The following BCAS1 variants were observed in gnomAD, a reference collection of about 807,000 sequenced individuals.
BCAS1 encodes breast carcinoma-amplified sequence 1.
A neutral mutation model predicts 65.4 loss-of-function variants in BCAS1; 46 were observed. The observed-to-expected ratio is 0.70, with a 90% CI of 0.55 to 0.90. The LOEUF is 0.90. Among genes scored for constraint, BCAS1 ranks in the 40% least tolerant of loss-of-function variants. BCAS1 has a pLI of 0.00. For missense variants in BCAS1, 793 were observed against 771.2 expected, an observed-to-expected ratio of 1.03 and a Z score of -0.33; for synonymous variants, 298 against 293.5, an observed-to-expected ratio of 1.02 and a Z score of -0.16.
At chr20:53,981,900 C>T (rs766969180) in intron 8 of BCAS1, among the ~76,000 whole-genome samples, 2 of 151,794 alleles carry the variant, frequency 1.3e-5, no homozygotes, top group African/African-American at 2.4e-5. Flanking sequence ...GAATTTTATA[C>T]TTGTTTTGTA....
intron 4 of BCAS1, among the ~76,000 whole-genome samples, chr20:54,013,420 C>A (rs1357421620): frequency 6.6e-6 from 1 of 152,106 alleles, no homozygotes; most frequent in African/African-American, 2.4e-5. Context: ...GTAAAAAAAT[C>A]CAAATGTTTA....
intron 3 of BCAS1, among the ~76,000 whole-genome samples, chr20:54,041,794 G>A (rs1206630055): frequency 6.6e-6 from 1 of 151,454 alleles, no homozygotes; most frequent in Admixed American, 6.6e-5. Flanking sequence ...AGCTACTTGG[G>A]AGGCGGTGGC....
At chr20:54,053,374 C>G (rs1278263599) in intron 3 of BCAS1, among the ~76,000 whole-genome samples, 2 of 152,164 alleles carry the variant, frequency 1.3e-5, no homozygotes, top group African/African-American at 4.8e-5. Flanking sequence ...CGATACATTT[C>G]TTTCTAGGAG....
intron 6 of BCAS1, among the ~76,000 whole-genome samples, chr20:53,994,170 G>A (rs1167969695): frequency 6.6e-6 from 1 of 152,174 alleles, no homozygotes; most frequent in Admixed American, 6.5e-5. Context: ...GGCAAACCAA[G>A]CCATGTATCT....
chr20:54,054,701 G>A (rs892057633), intron 3 of BCAS1, among the ~76,000 whole-genome samples: 2 of 152,196 alleles, frequency 1.3e-5, no homozygotes, highest in Non-Finnish European at 1.5e-5. Flanking sequence ...CAGCAAGACT[G>A]CCAGGTGTGA....
chr20:53,959,446 G>A (rs2145567785), intron 10 of BCAS1, among the ~76,000 whole-genome samples: 1 of 152,222 alleles, frequency 6.6e-6, no homozygotes, highest in East Asian at 1.9e-4. Context: ...TAGAGACAGG[G>A]TTTCACCATG....
At chr20:54,013,403 T>C (rs188289114) in intron 4 of BCAS1, among the ~76,000 whole-genome samples, 35 of 152,254 alleles carry the variant, frequency 2.3e-4, no homozygotes, top group Admixed American at 9.2e-4. Context: ...AAAAGGAAGA[T>C]TGAAAAGTAA....
chr20:54,024,305 C>T (rs1439332814), intron 4 of BCAS1, among the ~76,000 whole-genome samples: 3 of 152,170 alleles, frequency 2.0e-5, no homozygotes, highest in Non-Finnish European at 4.4e-5. Context: ...ACAGTAGAGA[C>T]AGGATGAACT....
rs1162926231 is a variant in BCAS1 at position 53,957,582 on chromosome 20, G to A, written c.1486-85C>T. 2.4e-6 allele frequency: 3 copies of A among 1,270,700 alleles called. No homozygotes were observed. In the East Asian group the frequency reaches 6.9e-5, roughly 29 times the overall value. 78.7% of individuals were successfully genotyped at this position (1,270,700 alleles called of 1,614,324 possible). A position where few individuals can be genotyped will look rare whatever the true frequency, so the allele number is the denominator to read the frequency against. ...GAAAGTTCTGAAATGGATGATCTCA[G>A]TCATTTATCATTGAGGTTTGGGGTC... On this transcript the variant is annotated intron_variant, in intron 10 of 12. Coordinates refer to ENST00000688948, the MANE Select transcript of BCAS1 (RefSeq NM_001366298.2).
intron 10 of BCAS1, 53 bp downstream of exon 10, chr20:53,966,853 C>T: frequency 2.0e-6 from 3 of 1,523,466 alleles, no homozygotes; most frequent in Non-Finnish European, 2.6e-6. Context: ...CCATTGTTCC[C>T]AGAAGCCGCT....
At chr20:54,065,113 C>CACCTATCT in intron 1 of BCAS1, among the ~76,000 whole-genome samples, 1 of 144,176 alleles carries the variant, frequency 6.9e-6, no homozygotes, top group Non-Finnish European at 1.5e-5. Flanking sequence ...ATCTATCTAT[C>CACCTATCT]ATCTATCTAT....
intron 12 of BCAS1, among the ~76,000 whole-genome samples, chr20:53,948,556 C>A (rs1162937906): frequency 1.3e-5 from 2 of 152,220 alleles, no homozygotes; most frequent in Admixed American, 1.3e-4. Flanking sequence ...ACAGACCACA[C>A]CTGACTCACT....
intron 4 of BCAS1, among the ~76,000 whole-genome samples, chr20:54,007,429 G>A (rs552162490): frequency 5.9e-5 from 9 of 152,300 alleles, no homozygotes; most frequent in South Asian, 2.1e-4. Flanking sequence ...GAGTACTTCC[G>A]TAACCTGGAG....
intron 8 of BCAS1, among the ~76,000 whole-genome samples, chr20:53,981,494 T>TTCAGAA (rs200835833): frequency 0.019 from 2,871 of 152,260 alleles, 31 homozygotes; most frequent in Non-Finnish European, 0.024. Flanking sequence ...ATTTCGTTGT[T>TTCAGAA]TCAGAATCGG....
chr20:53,969,139 A>C (rs1241480529), intron 9 of BCAS1, among the ~76,000 whole-genome samples: 2 of 151,930 alleles, frequency 1.3e-5, no homozygotes, highest in Admixed American at 1.3e-4. Flanking sequence ...CCCTCATCTA[A>C]GCTCAGTGCC....
chr20:54,019,611 C>A (rs1055787344), intron 4 of BCAS1, among the ~76,000 whole-genome samples: 1 of 152,006 alleles, frequency 6.6e-6, no homozygotes, highest in Non-Finnish European at 1.5e-5. Flanking sequence ...TTTGAGTCAG[C>A]GGACTGGGAG....
At chr20:54,004,561 A>G (rs888282372) in intron 4 of BCAS1, among the ~76,000 whole-genome samples, 1 of 152,236 alleles carries the variant, frequency 6.6e-6, no homozygotes, top group Non-Finnish European at 1.5e-5. Context: ...AAAGTGGCAC[A>G]AGACATAAAT....
At chr20:54,005,935 G>A (rs1190292683) in intron 4 of BCAS1, among the ~76,000 whole-genome samples, 6 of 152,114 alleles carry the variant, frequency 3.9e-5, no homozygotes, top group Admixed American at 3.3e-4. Context: ...AGGTATGGGG[G>A]TTATGAAAAG....
intron 1 of BCAS1, among the ~76,000 whole-genome samples, chr20:54,062,788 G>A (rs458674): frequency 0.49 from 75,141 of 152,058 alleles, 20,218 homozygotes; most frequent in African/African-American, 0.72. Flanking sequence ...ATCTAATGGC[G>A]TGTCTTTTTC....
Sources: allele counts gnomAD v4.1 joint callset (sites outside exome capture counted in the v4.1 genomes callset), GRCh38; gene constraint gnomAD v4.1.1; transcripts MANE v1.5; gene names NCBI Gene and HGNC (gene_info 2026-07-23, HGNC 2026-07-21).